The following SP4 variants were observed in gnomAD, a reference collection of about 807,000 sequenced individuals.
SP4 encodes the protein Sp4 transcription factor.
A neutral mutation model predicts 72.8 loss-of-function variants in SP4; 19 were observed. That is an observed-to-expected ratio of 0.26 (90% CI 0.18 to 0.38). The LOEUF is 0.38. Ranked by LOEUF, SP4 falls within the 10% of genes least tolerant of loss-of-function variation. The pLI, the probability that SP4 is intolerant of heterozygous loss-of-function variation, is 1.00. For missense variants in SP4, 1,008 were observed against 926.3 expected, an observed-to-expected ratio of 1.09 and a Z score of -1.14; for synonymous variants, 395 against 333.1, an observed-to-expected ratio of 1.19 and a Z score of -2.02.
At chr7:21,505,617 G>A (rs1382003973) in intron 5 of SP4, among the ~76,000 whole-genome samples, 1 of 152,190 alleles carries the variant, frequency 6.6e-6, no homozygotes, top group African/African-American at 2.4e-5. Flanking sequence ...TGCCCAGAAT[G>A]CATCATTTGG....
At chr7:21,430,965 A>G (rs999537216) in intron 3 of SP4, 122 bp downstream of exon 3, 2 of 671,190 alleles carry the variant, frequency 3.0e-6, no homozygotes, top group African/African-American at 1.8e-5. Flanking sequence ...ATAAGGAACC[A>G]GAAATAGCAA....
At chr7:21,438,255 G>C (rs1716900329) in intron 3 of SP4, among the ~76,000 whole-genome samples, 1 of 151,966 alleles carries the variant, frequency 6.6e-6, no homozygotes, top group South Asian at 2.1e-4. Flanking sequence ...TAAAATTTAA[G>C]GTCTATGAAA....
Position 21,428,176 on chromosome 7 carries a change from T to TCCAGCCCCC in SP4, c.-74_-73insAGCCCCCCC. On this transcript the variant is annotated 5_prime_UTR_variant, in exon 1 of 6. Coordinates refer to ENST00000222584, the MANE Select transcript of SP4 (RefSeq NM_003112.5). ...ACCGCGGGCGGGCGGGACCGGCCTC[T>TCCAGCCCCC]CCTCCCGCCTCGCCCCCACCCCCAC... is the stretch of plus-strand genomic sequence containing the variant. 1 of 718,778 alleles carries TCCAGCCCCC rather than the reference T, an allele frequency of 1.4e-6. No individual in the cohort carries two copies. The allele number at this position is 718,778 out of a possible 1,614,324, so 44.5% of individuals were successfully genotyped here.
chr7:21,430,992 A>G, intron 3 of SP4, 149 bp downstream of exon 3: 3 of 612,124 alleles, frequency 4.9e-6, no homozygotes, highest in Non-Finnish European at 8.6e-6. Context: ...ACTAACAAAC[A>G]TAGCTCTGTA....
At chr7:21,486,743 TAC>T (rs1306872885) in intron 5 of SP4, among the ~76,000 whole-genome samples, 1 of 152,194 alleles carries the variant, frequency 6.6e-6, no homozygotes, top group Non-Finnish European at 1.5e-5. Context: ...ACTGTAAAGT[TAC>T]AGTTTCTCTC....
In SP4 at chr7:21,428,125, G is replaced by C. The variant is rs1000115581; in HGVS notation, c.-127G>C. The stretch of plus-strand genomic sequence containing the variant: ...ATTCGCGGAAAAAGAGGCAGAGCCT[G>C]TGCCAGCTACAGCCTCCTCCGAGCC... On this transcript the variant is annotated 5_prime_UTR_variant, in exon 1 of 6. Transcript: ENST00000222584. 2.8e-6 allele frequency: 2 copies of C among 712,282 alleles called. No individual in the cohort carries two copies. Among genetic ancestry groups the C allele is most frequent in the Non-Finnish European group, 5.2e-6 (2 of 383,014 alleles). The allele number at this position is 712,282 out of a possible 1,614,324, so 44.1% of individuals were successfully genotyped here.
chr7:21,444,274 T>C (rs1328868989), intron 3 of SP4, among the ~76,000 whole-genome samples: 1 of 152,218 alleles, frequency 6.6e-6, no homozygotes, highest in Non-Finnish European at 1.5e-5. Context: ...TATGCAGTTT[T>C]CTTTAATGAA....
rs1782179561 is a variant in SP4 at position 21,512,671 on chromosome 7, C to T, written c.*1402C>T. ...CCGCCTCCCAGGTTCAAGCGATTCT[C>T]CTGTCTTAGCCTCCTGAGTAGCTGG... is the stretch of plus-strand genomic sequence containing the variant. On this transcript the variant is annotated 3_prime_UTR_variant, in exon 6 of 6. Transcript: ENST00000222584. The T allele has an allele frequency of 6.6e-6, 1 of 151,298 alleles. No homozygotes were observed. The highest frequency in any genetic ancestry group is 1.5e-5 in the Non-Finnish European group (1 of 67,986). The allele number at this position is 151,298 out of a possible 1,614,324, so 9.4% of individuals were successfully genotyped here.
chr7:21,504,666 T>C (rs1387429511), intron 5 of SP4, among the ~76,000 whole-genome samples: 12 of 152,238 alleles, frequency 7.9e-5, no homozygotes, highest in Admixed American at 7.2e-4. Context: ...TAGGCAAATA[T>C]TTGTTGTTAC....
At chr7:21,510,779 C>T (rs1782121079) in intron 5 of SP4, among the ~76,000 whole-genome samples, 1 of 152,308 alleles carries the variant, frequency 6.6e-6, no homozygotes, top group Admixed American at 6.5e-5. Flanking sequence ...TATTTACTTG[C>T]TCCAGCTTTT....
At chr7:21,448,045 A>G (rs1018669553) in intron 3 of SP4, among the ~76,000 whole-genome samples, 1 of 152,228 alleles carries the variant, frequency 6.6e-6, no homozygotes, top group Non-Finnish European at 1.5e-5. Context: ...CATTTACAGA[A>G]TGACCCCCCG....
intron 3 of SP4, among the ~76,000 whole-genome samples, chr7:21,438,702 A>T (rs888321001): frequency 1.3e-5 from 2 of 149,374 alleles, no homozygotes; most frequent in African/African-American, 5.1e-5. Context: ...ATATTCTAGA[A>T]AAAAACAATT....
At chr7:21,468,518 ATT>A (rs749410736) in intron 3 of SP4, among the ~76,000 whole-genome samples, 5 of 145,122 alleles carry the variant, frequency 3.4e-5, no homozygotes, top group East Asian at 2.0e-4. Context: ...TATGAATGGA[ATT>A]TTTTTTTTTT....
At position 21,502,041 on chromosome 7, in the gene SP4, C is replaced by A. The variant is rs543042798; in HGVS notation, c.2108-8981C>A. Among the ~76,000 whole-genome samples, 14 of 29,844 alleles carry A rather than the reference C, an allele frequency of 4.7e-4. 1 individual carries two copies. The highest frequency in any genetic ancestry group is 1.6e-3 in the African/African-American group (12 of 7,384). 19.6% of individuals were successfully genotyped at this position (29,844 alleles called of 152,430 possible). On this transcript the variant is annotated intron_variant, in intron 5 of 5. Transcript: ENST00000222584. ...TTTCGGGCCTTAAATTCATTAGGCA[C>A]CCCCCCCCCCCCGGAACTCCTATAG... is the stretch of plus-strand genomic sequence containing the variant.
intron 3 of SP4, among the ~76,000 whole-genome samples, chr7:21,435,247 C>T (rs770585399): frequency 1.3e-5 from 2 of 152,194 alleles, no homozygotes; most frequent in South Asian, 2.1e-4. Flanking sequence ...AGAGGAAGTT[C>T]AGACTTAATA....
intron 5 of SP4, among the ~76,000 whole-genome samples, chr7:21,487,436 G>A (rs1784850746): frequency 7.5e-6 from 1 of 133,824 alleles, no homozygotes; most frequent in African/African-American, 2.9e-5. Context: ...TGGTCTTACA[G>A]TTTTTCTCTT....
rs550756847 is a variant in SP4 at position 21,470,385 on chromosome 7, T to C, written c.1679-6694T>C. On this transcript the variant is annotated intron_variant, in intron 3 of 5. Coordinates refer to ENST00000222584, the MANE Select transcript of SP4 (RefSeq NM_003112.5). The stretch of plus-strand genomic sequence containing the variant: ...GTCTTACTAGTAAGACCAGAAATAC[T>C]TAAATTCTAATTCAACCAATTCTTG... Among the ~76,000 whole-genome samples the C allele has an allele frequency of 3.3e-5, 5 of 152,344 alleles. No individual in the cohort carries two copies. The South Asian group carries it at 1.0e-3, about 32-fold the overall frequency.
chr7:21,498,711 G>T (rs1031820346), intron 5 of SP4, among the ~76,000 whole-genome samples: 4 of 152,130 alleles, frequency 2.6e-5, no homozygotes, highest in Non-Finnish European at 4.4e-5. Context: ...TTGACTAGAA[G>T]CCTTAATGAT....
chr7:21,437,836 C>T (rs751747184), intron 3 of SP4, among the ~76,000 whole-genome samples: 18 of 152,178 alleles, frequency 1.2e-4, no homozygotes, highest in Non-Finnish European at 2.2e-4. Context: ...TGCGCAGTAC[C>T]GGGTGGCACA....
Sources: gnomAD v4.1 joint callset for allele counts (sites outside exome capture counted in the v4.1 genomes callset) on GRCh38, gnomAD v4.1.1 for gene constraint, MANE v1.5 for transcripts, NCBI Gene and HGNC (gene_info 2026-07-23, HGNC 2026-07-21) for gene names.